The following HERPUD2 variants were observed in gnomAD, a reference collection of about 807,000 sequenced individuals.
HERPUD2 encodes HERPUD family member 2, also known as homocysteine-responsive endoplasmic reticulum-resident ubiquitin-like domain member 2 protein.
Under a neutral mutation model 49.9 loss-of-function variants are expected in HERPUD2, and 13 were observed. That is an observed-to-expected ratio of 0.26 (90% CI 0.17 to 0.41). The LOEUF is 0.41. HERPUD2 is among the 10% of genes least tolerant of loss of function. The probability of loss-of-function intolerance (pLI) is 1.00; values close to 1 mark genes in which losing one functional copy is unlikely to be tolerated. For synonymous variants in HERPUD2, 172 were observed against 171.4 expected (o/e 1.00, Z -0.03); for missense variants, 449 against 492.2 (o/e 0.91, Z 0.83).
At chr7:35,634,899 T>C (rs898689350) in intron 7 of HERPUD2, among the ~76,000 whole-genome samples, 8 of 152,240 alleles carry the variant, frequency 5.3e-5, no homozygotes, top group South Asian at 2.1e-4. Context: ...TATGTCTCAC[T>C]GAATGAACAA....
intron 5 of HERPUD2, among the ~76,000 whole-genome samples, chr7:35,659,399 T>C (rs1785358665): frequency 6.6e-6 from 1 of 152,262 alleles, no homozygotes; most frequent in Non-Finnish European, 1.5e-5. Context: ...TTTGACTGTT[T>C]TAGTGTACCA....
intron 5 of HERPUD2, among the ~76,000 whole-genome samples, chr7:35,651,367 C>T (rs1785163492): frequency 1.3e-5 from 2 of 152,242 alleles, no homozygotes; most frequent in East Asian, 1.9e-4. Flanking sequence ...ACTGCCATCG[C>T]TGGGACCTAA....
In HERPUD2 at chr7:35,694,859, G is replaced by A. The variant is rs942175030; in HGVS notation, c.-356C>T. 1 of 152,882 alleles carries A rather than the reference G, an allele frequency of 6.5e-6. No individual in the cohort carries two copies. The highest frequency in any genetic ancestry group is 2.4e-5 in the African/African-American group (1 of 41,468). The allele number at this position is 152,882 out of a possible 1,614,324, so 9.5% of individuals were successfully genotyped here. ...CCTCCGCGCCCAGGCAGGGCCGCCA[G>A]CCACACCGTCCGGCCAGGCGTTTTC... On this transcript the variant is annotated 5_prime_UTR_variant, in exon 1 of 9. Transcript: ENST00000311350.
chr7:35,688,613 A>G (rs1037896511), intron 2 of HERPUD2, among the ~76,000 whole-genome samples: 1 of 152,240 alleles, frequency 6.6e-6, no homozygotes, highest in African/African-American at 2.4e-5. Flanking sequence ...AGATATAACC[A>G]CACATTAAGC....
chr7:35,668,005 C>T (rs1212505394), intron 4 of HERPUD2, among the ~76,000 whole-genome samples: 5 of 152,098 alleles, frequency 3.3e-5, no homozygotes, highest in African/African-American at 1.2e-4. Flanking sequence ...TAAACAGTTA[C>T]TATGTGCCAA....
intron 3 of HERPUD2, among the ~76,000 whole-genome samples, chr7:35,672,445 A>AT (rs886564507): frequency 1.1e-4 from 17 of 152,126 alleles, no homozygotes; most frequent in African/African-American, 3.1e-4. Context: ...ATACTAATAT[A>AT]TTTTTTTAAA....
At chr7:35,647,341 G>T (rs1785074187) in intron 5 of HERPUD2, among the ~76,000 whole-genome samples, 2 of 151,932 alleles carry the variant, frequency 1.3e-5, no homozygotes, top group Admixed American at 6.6e-5. Context: ...CCTCCTCCAG[G>T]CTCCCTCAGC....
Position 35,635,420 on chromosome 7 carries a change from T to A in HERPUD2, c.656A>T (p.Asn219Ile). 1 of 1,614,090 alleles carries A rather than the reference T, an allele frequency of 6.2e-7. No homozygotes were observed. The highest frequency in any genetic ancestry group is 8.5e-7 in the Non-Finnish European group (1 of 1,179,998). ...CTGTGAAGTAGTAGGCTGGGTTGGG[T>A]TGACATTTGATGTGGCCTGAGCTGA... The part of the protein sequence containing the change: ...AVSAQATSNV[N>I]PTQPTTSQPL... Residue 219 changes from asparagine (N) to isoleucine (I), a missense_variant, in exon 7 of 9, where the codon AAC (asparagine) becomes ATC (isoleucine). Asn to Ile is a moderately radical substitution (Grantham distance 149). Coordinates refer to ENST00000311350, the MANE Select transcript of HERPUD2 (RefSeq NM_022373.5).
At chr7:35,638,612 G>T in intron 5 of HERPUD2, 140 bp from the exon 6 acceptor site, 2 of 818,994 alleles carry the variant, frequency 2.4e-6, no homozygotes, top group Non-Finnish European at 3.6e-6. Flanking sequence ...TACTTTCAAC[G>T]ATTCTTCAAA....
At position 35,635,152 on chromosome 7, in the gene HERPUD2, G is replaced by C; in HGVS notation, c.924C>G (p.Ala308=). 6.2e-7 allele frequency: 1 copy of C among 1,612,994 alleles called. No individual in the cohort carries two copies. The change falls in exon 7 of 9, where the codon GCC becomes GCG. Residue 308 remains alanine (A), a synonymous_variant. Coordinates refer to ENST00000311350, the MANE Select transcript of HERPUD2 (RefSeq NM_022373.5). Reference sequence around the variant, plus strand: ...TCACTCACAAATAAACCAGTAGCATGGCTCCCATTACCATGATAAACCGAC... The same window carrying C: ...TCACTCACAAATAAACCAGTAGCATCGCTCCCATTACCATGATAAACCGAC... ...SFSRFIMVMG[A]MLLVYLHQAG... is the part of the protein sequence containing the mutation.
intron 2 of HERPUD2, among the ~76,000 whole-genome samples, chr7:35,681,477 C>T (rs981402920): frequency 2.0e-5 from 3 of 151,944 alleles, no homozygotes; most frequent in African/African-American, 7.3e-5. Flanking sequence ...TAGGTACATA[C>T]CAAAAATGAT....
chr7:35,667,048 T>TA lies in HERPUD2; in HGVS notation c.494+385dup, dbSNP rs556195739. Among the ~76,000 whole-genome samples the TA allele has an allele frequency of 4.6e-5, 7 of 151,598 alleles. No individual in the cohort carries two copies. The South Asian group carries it at 1.0e-3, about 23-fold the overall frequency. On this transcript the variant is annotated intron_variant, in intron 5 of 8. Transcript: ENST00000311350. ...TGAGTAGATCTATAGTGAGACTGAG[T>TA]AAAAAAAAATTAGTTACGTAGATCC...
intron 8 of HERPUD2, 126 bp from the exon 9 acceptor site, chr7:35,633,977 C>CT (rs1784829922): frequency 1.1e-6 from 1 of 915,144 alleles, no homozygotes; most frequent in Non-Finnish European, 1.6e-6. Context: ...CATTAGAAAT[C>CT]TTTAAGGCCA....
At chr7:35,659,840 T>A (rs554386896) in intron 5 of HERPUD2, among the ~76,000 whole-genome samples, 98 of 152,296 alleles carry the variant, frequency 6.4e-4, no homozygotes, top group Non-Finnish European at 1.3e-3. Flanking sequence ...TTTTCTTTTT[T>A]TTCTTTTTTC....
intron 2 of HERPUD2, among the ~76,000 whole-genome samples, chr7:35,683,221 G>C (rs1393124688): frequency 6.6e-6 from 1 of 152,094 alleles, no homozygotes; most frequent in African/African-American, 2.4e-5. Context: ...TACAAAAACA[G>C]GCACATAGAC....
chr7:35,664,935 G>A (rs1785506035), intron 5 of HERPUD2, among the ~76,000 whole-genome samples: 1 of 152,106 alleles, frequency 6.6e-6, no homozygotes, highest in Non-Finnish European at 1.5e-5. Flanking sequence ...TTGTTCCGCT[G>A]CTGGCAAGGA....
At chr7:35,641,466 A>C (rs1784966303) in intron 5 of HERPUD2, among the ~76,000 whole-genome samples, 1 of 152,212 alleles carries the variant, frequency 6.6e-6, no homozygotes. Flanking sequence ...AGAACTAGAA[A>C]AAACTATTTT....
At chr7:35,690,225 C>T (rs1432949379) in intron 2 of HERPUD2, among the ~76,000 whole-genome samples, 2 of 152,194 alleles carry the variant, frequency 1.3e-5, no homozygotes, top group Admixed American at 1.3e-4. Flanking sequence ...TCACAATTAT[C>T]TATATATTCT....
At chr7:35,639,603 G>C (rs1191059108) in intron 5 of HERPUD2, among the ~76,000 whole-genome samples, 1 of 152,160 alleles carries the variant, frequency 6.6e-6, no homozygotes, top group Non-Finnish European at 1.5e-5. Context: ...AATTCTTTGT[G>C]AATTTGCTAA....
Sources: gnomAD v4.1 joint callset for allele counts (sites outside exome capture counted in the v4.1 genomes callset) on GRCh38, gnomAD v4.1.1 for gene constraint, MANE v1.5 for transcripts, NCBI Gene and HGNC (gene_info 2026-07-23, HGNC 2026-07-21) for gene names.